LRP2: variants seen among roughly 807,000 people sequenced by gnomAD.
LRP2 encodes LDL receptor related protein 2.
Under a neutral mutation model 531.0 loss-of-function variants are expected in LRP2, and 172 were observed. The ratio of observed to expected loss-of-function variants is 0.32; its 90% confidence interval spans 0.29 to 0.37. The LOEUF (loss-of-function observed/expected upper bound fraction) is 0.37. Ranked by LOEUF, LRP2 falls within the 10% of genes least tolerant of loss-of-function variation. The pLI, the probability that LRP2 is intolerant of heterozygous loss-of-function variation, is 1.00. For missense variants in LRP2, 5,167 were observed against 5,868.3 expected, an observed-to-expected ratio of 0.88 and a Z score of 3.90; for synonymous variants, 1,992 against 2,027.6, an observed-to-expected ratio of 0.98 and a Z score of 0.47.
chr2:169,280,600 G>T, intron 10 of LRP2, 81 bp from the exon 11 acceptor site: 1 of 1,384,366 alleles, frequency 7.2e-7, no homozygotes, highest in Non-Finnish European at 1.0e-6. Flanking sequence ...TATGCTTTCT[G>T]CTTTTTCAAA....
At chr2:169,168,256 A>C (rs1021691119) in intron 61 of LRP2, among the ~76,000 whole-genome samples, 9 of 151,418 alleles carry the variant, frequency 5.9e-5, no homozygotes, top group Non-Finnish European at 1.2e-4. Flanking sequence ...ACCACAACAG[A>C]CCTGCCTTTA....
intron 66 of LRP2, 63 bp downstream of exon 66, chr2:169,154,397 C>G (rs1686257281): frequency 6.1e-6 from 9 of 1,479,860 alleles, no homozygotes; most frequent in Non-Finnish European, 8.5e-6. Flanking sequence ...CCTTAAAAGT[C>G]AACACCTTAA....
Position 169,289,025 on chromosome 2 carries a change from C to A in LRP2, c.1042+1G>T. On this transcript the variant is annotated splice_donor_variant, in intron 9 of 78. Transcript: ENST00000649046. LOFTEE classifies it high-confidence loss of function. ...AGTAGCCGCCGCCCCCCATCACTTA[C>A]CAACACAGGTACGGCTGTCATTGTG... is the stretch of plus-strand genomic sequence containing the variant. 1 of 1,613,972 alleles carries A rather than the reference C, an allele frequency of 6.2e-7. No individual in the cohort carries two copies. Among genetic ancestry groups the A allele is most frequent in the Non-Finnish European group, 8.5e-7 (1 of 1,179,894 alleles).
intron 1 of LRP2, among the ~76,000 whole-genome samples, chr2:169,345,725 C>G (rs1224811650): frequency 6.7e-6 from 1 of 149,108 alleles, no homozygotes; most frequent in Admixed American, 6.7e-5. Context: ...ACCCCTTGGC[C>G]CCACCTCAAA....
intron 2 of LRP2, among the ~76,000 whole-genome samples, chr2:169,319,487 T>G (rs1402022224): frequency 1.3e-5 from 2 of 152,228 alleles, no homozygotes; most frequent in African/African-American, 2.4e-5. Flanking sequence ...ATATTGTTGT[T>G]ATTGTTATTA....
chr2:169,137,379 T>C lies in LRP2; in HGVS notation c.13620+13A>G, dbSNP rs1362182171. 6.4e-6 allele frequency: 10 copies of C among 1,570,876 alleles called. No homozygotes were observed. The highest frequency in any genetic ancestry group is 8.8e-6 in the Non-Finnish European group (10 of 1,140,712). ...CAGCAGTAACTGAAAGAAAAGACTG[T>C]ATGGTTTCTCACCTGGATTGGCTGA... On this transcript the variant is annotated intron_variant, in intron 76 of 78. Coordinates refer to ENST00000649046, the MANE Select transcript of LRP2 (RefSeq NM_004525.3).
chr2:169,218,717 AGCAGAAGTG>A (rs1688882519), intron 34 of LRP2, among the ~76,000 whole-genome samples: 1 of 152,118 alleles, frequency 6.6e-6, no homozygotes, highest in African/African-American at 2.4e-5. Context: ...AAGGAGTGTG[AGCAGAAGTG>A]GCGTGCACTA....
At chr2:169,173,256 T>G (rs777966179) in intron 56 of LRP2, 32 bp from the exon 57 acceptor site, 100 of 1,613,586 alleles carry the variant, frequency 6.2e-5, no homozygotes, top group Non-Finnish European at 8.0e-5. Context: ...AAGTCAGAAC[T>G]GAAGGTACAA....
At chr2:169,182,802 C>A (rs530056536) in intron 50 of LRP2, among the ~76,000 whole-genome samples, 3 of 152,260 alleles carry the variant, frequency 2.0e-5, no homozygotes, top group Non-Finnish European at 2.9e-5. Context: ...AAGAGACATC[C>A]CTGCCTCTGT....
intron 1 of LRP2, among the ~76,000 whole-genome samples, chr2:169,334,897 G>T (rs929021119): frequency 6.6e-6 from 1 of 152,138 alleles, no homozygotes; most frequent in Non-Finnish European, 1.5e-5. Flanking sequence ...CTCCATGAAG[G>T]GTGGTTCCTT....
intron 34 of LRP2, among the ~76,000 whole-genome samples, chr2:169,219,894 C>T (rs565584382): frequency 6.6e-6 from 1 of 152,094 alleles, no homozygotes; most frequent in Admixed American, 6.6e-5. Context: ...TATTAAAGGC[C>T]CTCCTTGATT....
At chr2:169,138,740 T>C in intron 74 of LRP2, 34 bp from the exon 75 acceptor site, 1 of 1,613,066 alleles carries the variant, frequency 6.2e-7, no homozygotes, top group South Asian at 1.1e-5. Flanking sequence ...TGTCTTGTTA[T>C]TTAAAACAAC....
chr2:169,278,145 T>C (rs1481630401), intron 12 of LRP2, among the ~76,000 whole-genome samples, 194 bp from the exon 13 acceptor site: 2 of 151,930 alleles, frequency 1.3e-5, no homozygotes, highest in Non-Finnish European at 2.9e-5. Context: ...CATCAACAGT[T>C]CCAAATAGCA....
Position 169,196,840 on chromosome 2 carries a change from T to A in LRP2, c.8698+71A>T, listed in dbSNP as rs749373513. 3 of 1,604,694 alleles carry A rather than the reference T, an allele frequency of 1.9e-6. No individual in the cohort carries two copies. In the Admixed American group the frequency reaches 5.0e-5, roughly 27 times the overall value. On this transcript the variant is annotated intron_variant, in intron 46 of 78. Transcript: ENST00000649046. ...AGCAGCCATGACCCTGGTCTGTATTTGAAGCAGTTGGAAGAGACTGAAGTT... is the reference window on the plus strand; with the variant it reads ...AGCAGCCATGACCCTGGTCTGTATTAGAAGCAGTTGGAAGAGACTGAAGTT...
chr2:169,186,986 G>T (rs551350579), intron 49 of LRP2, among the ~76,000 whole-genome samples: 2 of 152,146 alleles, frequency 1.3e-5, no homozygotes, highest in East Asian at 3.9e-4. Flanking sequence ...TTATTAAATG[G>T]TTTTTGAAAC....
rs192891311 is a variant in LRP2 at position 169,244,978 on chromosome 2, C to G, written c.3191-46G>C. On this transcript the variant is annotated intron_variant, in intron 21 of 78. Coordinates refer to ENST00000649046, the MANE Select transcript of LRP2 (RefSeq NM_004525.3). ...TCATGAAGACATTTGTTTTTACAGC[C>G]TTTTAAATGAGTTCTTGCCTTATAA... 176 of 1,611,996 alleles carry G rather than the reference C, an allele frequency of 1.1e-4. No individual in the cohort carries two copies. The African/African-American group carries it at 2.0e-3, about 19-fold the overall frequency.
At chr2:169,142,630 G>A (rs752658640) in intron 71 of LRP2, 44 bp downstream of exon 71, 86 of 1,610,990 alleles carry the variant, frequency 5.3e-5, no homozygotes, top group Middle Eastern at 1.7e-4. Flanking sequence ...AGGCAGCAGA[G>A]GAGTGCTCCC....
chr2:169,241,057 C>T lies in LRP2; in HGVS notation c.3976G>A (p.Val1326Met), dbSNP rs760601973. 6.2e-7 allele frequency: 1 copy of T among 1,614,206 alleles called. No individual in the cohort carries two copies. The highest frequency in any genetic ancestry group is 1.1e-5 in the South Asian group (1 of 91,076). ...CCATCACACACTACACTCAGATTCA[C>T]ACAGATGTTATGGCCAAGACACTGC... The part of the protein sequence containing the change: ...QWQCLGHNIC[V>M]NLSVVCDGIF... The change falls in exon 25 of 79, where the codon GTG (valine) becomes ATG (methionine). Residue 1326 changes from valine to methionine, a missense_variant. Val to Met is a conservative substitution (Grantham distance 21). This residue lies in a region of LRP2 where 2,811 missense variants were observed against 3,058.0 expected (regional missense o/e 0.92). Coordinates refer to ENST00000649046, the MANE Select transcript of LRP2 (RefSeq NM_004525.3).
At chr2:169,275,954 G>A (rs1683541721) in intron 13 of LRP2, among the ~76,000 whole-genome samples, 2 of 151,944 alleles carry the variant, frequency 1.3e-5, no homozygotes, top group Admixed American at 6.6e-5. Flanking sequence ...TTAGACTCAT[G>A]AACAGAGTGA....
Sources: gnomAD v4.1 joint callset for allele counts (sites outside exome capture counted in the v4.1 genomes callset) on GRCh38, gnomAD v4.1.1 for gene constraint, gnomAD v4.1.1 regional missense constraint, MANE v1.5 for transcripts, NCBI Gene and HGNC (gene_info 2026-07-23, HGNC 2026-07-21) for gene names.